The following STXBP5L variants were observed in gnomAD, a reference collection of about 807,000 sequenced individuals.
The protein encoded by STXBP5L is syntaxin binding protein 5L, also known as syntaxin-binding protein 5-like.
STXBP5L carries 65 observed loss-of-function variants against 144.5 expected under a neutral mutation model. The ratio of observed to expected loss-of-function variants is 0.45; its 90% CI spans 0.37 to 0.55. The LOEUF is 0.55. Among genes scored for constraint, STXBP5L ranks in the 20% least tolerant of loss-of-function variants. The probability of loss-of-function intolerance (pLI) is 0.00; values close to 1 mark genes in which losing one functional copy is unlikely to be tolerated. For missense variants in STXBP5L, 1,298 were observed against 1,405.5 expected, an observed-to-expected ratio of 0.92 and a Z score of 1.22; for synonymous variants, 505 against 469.6, an observed-to-expected ratio of 1.08 and a Z score of -0.97.
chr3:121,020,122 T>G lies in STXBP5L; in HGVS notation c.288-21578T>G, dbSNP rs192367912. Among the ~76,000 whole-genome samples, 3 of 152,052 alleles carry G rather than the reference T, an allele frequency of 2.0e-5. No individual in the cohort carries two copies. The East Asian group carries it at 5.8e-4, about 29-fold the overall frequency. ...GAAATGAAGAACACACTTAGAAAATTACAAAATGCACTGGAAAGGCTCGGC... is the reference window on the plus strand; with the variant it reads ...GAAATGAAGAACACACTTAGAAAATGACAAAATGCACTGGAAAGGCTCGGC... On this transcript the variant is annotated intron_variant, in intron 3 of 26. Transcript: ENST00000471454.
At chr3:121,233,106 T>C (rs2049359094) in intron 11 of STXBP5L, among the ~76,000 whole-genome samples, 1 of 152,208 alleles carries the variant, frequency 6.6e-6, no homozygotes, top group East Asian at 1.9e-4. Flanking sequence ...CAGATTGATA[T>C]GATATGGTTA....
In STXBP5L at chr3:121,395,943, G is replaced by A. The variant is rs187277429; in HGVS notation, c.2588-11300G>A. On this transcript the variant is annotated intron_variant, in intron 22 of 26. Transcript: ENST00000471454. ...GGGATCCTCCCAGAATCTCTTCCTC[G>A]GCATCTGGCTTATGAAAAAGTTTCA... is the stretch of plus-strand genomic sequence containing the variant. 1.7e-3 allele frequency among the ~76,000 whole-genome samples: 260 copies of A among 152,256 alleles called. 2 individuals carry two copies. Among genetic ancestry groups the A allele is most frequent in the African/African-American group, 5.6e-3 (234 of 41,544 alleles).
intron 5 of STXBP5L, among the ~76,000 whole-genome samples, chr3:121,069,630 TC>T (rs2041713008): frequency 1.3e-5 from 2 of 152,170 alleles, no homozygotes; most frequent in Admixed American, 1.3e-4. Context: ...ATCTAGTTTC[TC>T]CATATACTAA....
chr3:121,381,672 A>G, intron 22 of STXBP5L, 140 bp downstream of exon 22: 1 of 1,046,808 alleles, frequency 9.6e-7, no homozygotes, highest in Non-Finnish European at 1.3e-6. Context: ...AATTTTATAC[A>G]TCATATACCA....
chr3:120,989,076 A>T (rs1012590738), intron 3 of STXBP5L, among the ~76,000 whole-genome samples: 2 of 152,112 alleles, frequency 1.3e-5, no homozygotes, highest in Non-Finnish European at 2.9e-5. Context: ...ATCGATAGAC[A>T]CTTAAGTTGA....
At chr3:121,267,796 A>G (rs767085447) in intron 18 of STXBP5L, among the ~76,000 whole-genome samples, 3 of 152,240 alleles carry the variant, frequency 2.0e-5, no homozygotes, top group Non-Finnish European at 4.4e-5. Context: ...GCCAACAAAT[A>G]TATGAAAAAA....
intron 4 of STXBP5L, among the ~76,000 whole-genome samples, chr3:121,043,430 G>T (rs1213100330): frequency 6.6e-6 from 1 of 151,976 alleles, no homozygotes; most frequent in Admixed American, 6.6e-5. Flanking sequence ...AAGAATACTG[G>T]CCGGGCGCGG....
intron 3 of STXBP5L, among the ~76,000 whole-genome samples, chr3:120,979,209 G>T (rs1051835881): frequency 6.6e-6 from 1 of 152,218 alleles, no homozygotes; most frequent in Admixed American, 6.5e-5. Flanking sequence ...CCCAGTTGGA[G>T]CTTCCCGGCT....
At chr3:121,411,356 C>T (rs1283237121) in intron 23 of STXBP5L, among the ~76,000 whole-genome samples, 1 of 151,966 alleles carries the variant, frequency 6.6e-6, no homozygotes, top group Non-Finnish European at 1.5e-5. Flanking sequence ...GTATTTTTTT[C>T]AAGGTGCTGG....
chr3:120,980,756 A>G (rs976187834), intron 3 of STXBP5L, among the ~76,000 whole-genome samples: 1 of 152,080 alleles, frequency 6.6e-6, no homozygotes, highest in Non-Finnish European at 1.5e-5. Flanking sequence ...GTTAATTGTT[A>G]CTTAGATGGT....
At chr3:121,380,389 A>C (rs549909407) in intron 21 of STXBP5L, among the ~76,000 whole-genome samples, 1 of 152,280 alleles carries the variant, frequency 6.6e-6, no homozygotes, top group Non-Finnish European at 1.5e-5. Context: ...TCTTTCTATA[A>C]AAACAATTAT....
chr3:120,988,984 A>G (rs1238178445), intron 3 of STXBP5L, among the ~76,000 whole-genome samples: 1 of 152,096 alleles, frequency 6.6e-6, no homozygotes. Context: ...TTTTTGCAAA[A>G]GACATGATTT....
chr3:120,952,326 T>A (rs1429354382), intron 2 of STXBP5L, among the ~76,000 whole-genome samples: 1 of 152,144 alleles, frequency 6.6e-6, no homozygotes, highest in Non-Finnish European at 1.5e-5. Context: ...GGATGACTTT[T>A]ATTTAGATCT....
intron 3 of STXBP5L, among the ~76,000 whole-genome samples, chr3:121,002,524 G>T (rs1220677418): frequency 6.6e-6 from 1 of 152,120 alleles, no homozygotes; most frequent in Non-Finnish European, 1.5e-5. Flanking sequence ...TTTATTTGCA[G>T]AAACTCAGTT....
At chr3:121,190,973 C>T (rs1205453632) in intron 9 of STXBP5L, among the ~76,000 whole-genome samples, 1 of 151,478 alleles carries the variant, frequency 6.6e-6, no homozygotes, top group East Asian at 2.0e-4. Context: ...CCCCACATCC[C>T]AGACGATGGG....
intron 19 of STXBP5L, among the ~76,000 whole-genome samples, chr3:121,297,170 T>C (rs2051686067): frequency 6.6e-6 from 1 of 151,524 alleles, no homozygotes. Flanking sequence ...CCAGCTTAAA[T>C]ACTTAGCAGA....
At chr3:121,087,681 A>C (rs2042563554) in intron 5 of STXBP5L, among the ~76,000 whole-genome samples, 1 of 152,022 alleles carries the variant, frequency 6.6e-6, no homozygotes, top group African/African-American at 2.4e-5. Context: ...TTGATATATT[A>C]GGGCTTAGGT....
rs570035751 is a variant in STXBP5L, at chr3:121,301,483, G to A, written c.2111-16992G>A. Among the ~76,000 whole-genome samples the A allele has an allele frequency of 2.1e-4, 32 of 152,202 alleles. No individual in the cohort carries two copies. The South Asian group carries it at 3.7e-3, about 18-fold the overall frequency. ...GGTTCTCTAGCTATACAATCATGTC[G>A]TCTGCAAACAGGGGCAATTTGACTT... On this transcript the variant is annotated intron_variant, in intron 19 of 26. Coordinates refer to ENST00000471454, the MANE Select transcript of STXBP5L (RefSeq NM_001308330.2).
chr3:121,220,621 G>A (rs1174762069), intron 10 of STXBP5L, among the ~76,000 whole-genome samples: 1 of 152,100 alleles, frequency 6.6e-6, no homozygotes, highest in Non-Finnish European at 1.5e-5. Flanking sequence ...GCTATGAAAT[G>A]CAAAATTCCT....
Sources: gnomAD v4.1 joint callset for allele counts (sites outside exome capture counted in the v4.1 genomes callset) on GRCh38, gnomAD v4.1.1 for gene constraint, MANE v1.5 for transcripts, NCBI Gene and HGNC (gene_info 2026-07-23, HGNC 2026-07-21) for gene names.